TRIM16: variants seen among roughly 807,000 people sequenced by gnomAD.
The protein encoded by TRIM16 is tripartite motif containing 16, also known as tripartite motif-containing protein 16.
TRIM16 carries 33 observed loss-of-function variants against 50.4 expected under a neutral mutation model. That is an observed-to-expected ratio of 0.65 (90% confidence interval 0.50 to 0.88). The LOEUF (loss-of-function observed/expected upper bound fraction) is 0.88, where lower values mean the gene tolerates loss of function less well. Ranked by LOEUF, TRIM16 falls within the 40% of genes least tolerant of loss-of-function variation. The pLI is 0.00. For missense variants in TRIM16, 581 were observed against 686.8 expected, an observed-to-expected ratio of 0.85 and a Z score of 1.72; for synonymous variants, 229 against 270.7, an observed-to-expected ratio of 0.85 and a Z score of 1.51.
intron 7 of TRIM16, among the ~76,000 whole-genome samples, chr17:15,648,486 G>T (rs1987527478): frequency 6.6e-6 from 1 of 152,178 alleles, no homozygotes; most frequent in Non-Finnish European, 1.5e-5. Context: ...TCATTCTGTG[G>T]ATCCTAAGCA....
chr17:15,644,114 G>C (rs72819874), intron 7 of TRIM16, among the ~76,000 whole-genome samples: 5,242 of 152,300 alleles, frequency 0.034, 111 homozygotes, highest in Non-Finnish European at 0.049. Flanking sequence ...CTCCAGTGCA[G>C]GGTGCACACC....
At position 15,628,821 on chromosome 17, in the gene TRIM16, C is replaced by A. The variant is rs143877253; in HGVS notation, c.1489G>T (p.Val497Phe). ...LKAGPFRRLGVYIDFPGGILS... is the reference protein window; with the variant it reads ...LKAGPFRRLGFYIDFPGGILS... ...ATCCCTCCCGGGAAGTCGATATAGACCCCGAGCCTCCGGAAAGGGCCAGCT... is the reference window on the plus strand; with the variant it reads ...ATCCCTCCCGGGAAGTCGATATAGAACCCGAGCCTCCGGAAAGGGCCAGCT... The change falls in exon 12 of 12, where the codon GTC becomes TTC. Residue 497 changes from valine (V) to phenylalanine (F), a missense_variant. Around this residue, in one of 3 missense-constraint regions of TRIM16, gnomAD observed 115 missense variants for 106.7 expected, o/e 1.08. Coordinates refer to ENST00000649191, the MANE Select transcript of TRIM16 (RefSeq NM_001348119.1). 45 of 1,614,060 alleles carry A rather than the reference C, an allele frequency of 2.8e-5. 1 individual carries two copies. Among genetic ancestry groups the A allele is most frequent in the Middle Eastern group, 3.3e-4 (2 of 6,084 alleles).
intron 8 of TRIM16, among the ~76,000 whole-genome samples, chr17:15,641,279 G>A (rs1405144006): frequency 6.8e-6 from 1 of 147,856 alleles, no homozygotes; most frequent in Non-Finnish European, 1.5e-5. Context: ...ATACATTCAA[G>A]GAGCCAGCAG....
rs989205352 is a variant in TRIM16, at chr17:15,641,180, C to A, written c.615+1541G>T. ...TAAACCCTCCCATTGAGAAACACTTCTTTCTTGCATGTAAATGTAATGTGC... is the reference window on the plus strand; with the variant it reads ...TAAACCCTCCCATTGAGAAACACTTATTTCTTGCATGTAAATGTAATGTGC... On this transcript the variant is annotated intron_variant, in intron 8 of 11. Transcript: ENST00000649191. 1.3e-4 allele frequency among the ~76,000 whole-genome samples: 20 copies of A among 148,164 alleles called. 1 individual carries two copies. Among genetic ancestry groups the A allele is most frequent in the Non-Finnish European group, 2.7e-4 (18 of 67,018 alleles).
At chr17:15,637,117 G>T (rs1433503171) in intron 8 of TRIM16, among the ~76,000 whole-genome samples, 6 of 89,246 alleles carry the variant, frequency 6.7e-5, no homozygotes, top group Admixed American at 2.0e-4. Context: ...GAGGGAGGTG[G>T]GGGGGGGGGG....
chr17:15,676,491 A>G (rs1193871853), intron 6 of TRIM16, among the ~76,000 whole-genome samples: 4 of 148,816 alleles, frequency 2.7e-5, no homozygotes, highest in Non-Finnish European at 5.9e-5. Context: ...CTGGAGTGCA[A>G]TGGCATGATC....
chr17:15,628,716 C>G lies in TRIM16; in HGVS notation c.1594G>C (p.Ala532Pro), dbSNP rs769647835. 1.9e-6 allele frequency: 3 copies of G among 1,614,180 alleles called. No homozygotes were observed. The highest frequency in any genetic ancestry group is 2.5e-6 in the Non-Finnish European group (3 of 1,180,030). ...TCCTTCTTGGAAAGCCAGAAGGCAG[C>G]ATAGACTGGTTCTGAAAATTTGCAG... ...FACKFSEPVY[A>P]AFWLSKKENA... The change falls in exon 12 of 12, where the codon GCT becomes CCT. Residue 532 changes from alanine (A) to proline (P), a missense_variant. Ala to Pro is a conservative substitution (Grantham distance 27). Around this residue, in one of 3 missense-constraint regions of TRIM16, gnomAD observed 115 missense variants for 106.7 expected, o/e 1.08. Coordinates refer to ENST00000649191, the MANE Select transcript of TRIM16 (RefSeq NM_001348119.1).
chr17:15,665,135 T>A (rs1156444294), intron 6 of TRIM16, among the ~76,000 whole-genome samples: 1 of 152,164 alleles, frequency 6.6e-6, no homozygotes, highest in Non-Finnish European at 1.5e-5. Flanking sequence ...ATTTGCTTTT[T>A]TAAGCTGCTG....
rs575805945 is a variant in TRIM16, at chr17:15,641,759, T to C, written c.615+962A>G. On this transcript the variant is annotated intron_variant, in intron 8 of 11. Transcript: ENST00000649191. ...AATACATGCATTAGGGGTAGATGAA[T>C]GGATGGATGGATGATGGATGGAATC... Among the ~76,000 whole-genome samples the C allele has an allele frequency of 1.4e-4, 20 of 148,056 alleles. 2 individuals are homozygous for C. The highest frequency in any genetic ancestry group is 2.8e-4 in the Non-Finnish European group (19 of 66,844).
At chr17:15,673,904 A>G (rs1041733212) in intron 6 of TRIM16, among the ~76,000 whole-genome samples, 13 of 152,196 alleles carry the variant, frequency 8.5e-5, no homozygotes, top group African/African-American at 3.1e-4. Flanking sequence ...AATCTTCCCT[A>G]ACTCTTCTGT....
intron 7 of TRIM16, among the ~76,000 whole-genome samples, chr17:15,650,486 G>A (rs776822451): frequency 3.9e-5 from 6 of 152,142 alleles, no homozygotes; most frequent in Non-Finnish European, 8.8e-5. Context: ...CCTCCATCTG[G>A]TGAGGAACTT....
intron 6 of TRIM16, among the ~76,000 whole-genome samples, chr17:15,676,219 C>T (rs1988935329): frequency 2.0e-5 from 3 of 152,150 alleles, no homozygotes; most frequent in Non-Finnish European, 4.4e-5. Context: ...GCCCATAGCA[C>T]ACTTCAGACG....
At chr17:15,660,911 A>G (rs1988203646) in intron 6 of TRIM16, among the ~76,000 whole-genome samples, 2 of 151,404 alleles carry the variant, frequency 1.3e-5, no homozygotes, top group Non-Finnish European at 3.0e-5. Context: ...AAAAAAAAAA[A>G]AAAAAAAAAA....
intron 8 of TRIM16, among the ~76,000 whole-genome samples, chr17:15,639,194 T>C (rs1987004080): frequency 7.0e-6 from 1 of 143,298 alleles, no homozygotes; most frequent in South Asian, 2.3e-4. Context: ...CACAGGTGCA[T>C]GCCTTCATGC....
rs1249045949 is a variant in TRIM16, at chr17:15,629,021, T to C, written c.1289A>G (p.Tyr430Cys). ...TGCCCCGAAGATCTCCACCTCAAAA[T>C]AGTACCTGTGCAGGTACAGACTCTG... ...SQQSLYLHRY[Y>C]FEVEIFGAGT... The change falls in exon 12 of 12, where the codon TAT becomes TGT. Residue 430 changes from tyrosine (Y) to cysteine (C), a missense_variant. Tyr to Cys is a radical substitution (Grantham distance 194). This residue lies in a region of TRIM16 where 450 missense variants were observed against 544.3 expected (regional missense o/e 0.83). Transcript: ENST00000649191. 7.4e-6 allele frequency: 12 copies of C among 1,613,986 alleles called. No individual in the cohort carries two copies. Among genetic ancestry groups the C allele is most frequent in the Admixed American group, 3.3e-5 (2 of 59,982 alleles).
intron 3 of TRIM16, 31 bp downstream of exon 3, chr17:15,682,823 G>A (rs1989236282): frequency 7.1e-7 from 1 of 1,400,042 alleles, no homozygotes; most frequent in African/African-American, 1.5e-5. Flanking sequence ...GGGAATATTA[G>A]TAAAATCACC....
Position 15,635,425 on chromosome 17 carries a change from GGT to G in TRIM16, c.849+609_849+610del, listed in dbSNP as rs1168463783. Among the ~76,000 whole-genome samples the G allele has an allele frequency of 2.7e-5, 4 of 148,376 alleles. 1 individual carries two copies. The highest frequency in any genetic ancestry group is 1.0e-4 in the African/African-American group (4 of 39,698). ...TACATTGTAATGAAAAGCATTTCCT[GGT>G]TCCAACTGCTTACCTTTAATGTCTA... On this transcript the variant is annotated intron_variant, in intron 9 of 11. Transcript: ENST00000649191.
In TRIM16 at chr17:15,637,122, G is replaced by C. The variant is rs1460674240; in HGVS notation, c.616-853C>G. Among the ~76,000 whole-genome samples, 230 of 145,642 alleles carry C rather than the reference G, an allele frequency of 1.6e-3. 1 individual carries two copies. Among genetic ancestry groups the C allele is most frequent in the Non-Finnish European group, 2.9e-3 (192 of 65,330 alleles). ...CCCCGTCCGGGAGGGAGGTGGGGGG[G>C]GGGGGTCAGCCCCCCGCCCGGCCAG... On this transcript the variant is annotated intron_variant, in intron 8 of 11. Transcript: ENST00000649191.
At chr17:15,648,236 A>C (rs557566502) in intron 7 of TRIM16, among the ~76,000 whole-genome samples, 13 of 149,084 alleles carry the variant, frequency 8.7e-5, no homozygotes, top group East Asian at 5.9e-4. Context: ...AAAAAAAAAA[A>C]AAAACAAAAA....
Sources: gnomAD v4.1 joint callset for allele counts (sites outside exome capture counted in the v4.1 genomes callset) on GRCh38, gnomAD v4.1.1 for gene constraint, gnomAD v4.1.1 regional missense constraint, MANE v1.5 for transcripts, NCBI Gene and HGNC (gene_info 2026-07-23, HGNC 2026-07-21) for gene names.